The following SNX13 variants were observed in gnomAD, a reference collection of about 807,000 sequenced individuals.
SNX13 encodes the protein sorting nexin 13.
In SNX13, 45 loss-of-function variants were observed where a neutral mutation model predicts 133.6. That is an observed-to-expected ratio of 0.34 (90% CI 0.27 to 0.43). The LOEUF is 0.43. Ranked by LOEUF, SNX13 falls within the 20% of genes least tolerant of loss-of-function variation. The probability of loss-of-function intolerance (pLI) is 1.00; values close to 1 mark genes in which losing one functional copy is unlikely to be tolerated. For synonymous variants in SNX13, 414 were observed against 373.9 expected (o/e 1.11, Z -1.24); for missense variants, 1,032 against 1,145.1 (o/e 0.90, Z 1.43).
chr7:17,797,744 T>C (rs1784213622), intron 24 of SNX13, among the ~76,000 whole-genome samples: 1 of 151,636 alleles, frequency 6.6e-6, no homozygotes, highest in Non-Finnish European at 1.5e-5. Context: ...TAATCACCAC[T>C]CCAGAGGAAC....
chr7:17,853,206 GA>G (rs1208629689), intron 9 of SNX13, among the ~76,000 whole-genome samples: 1 of 152,144 alleles, frequency 6.6e-6, no homozygotes, highest in African/African-American at 2.4e-5. Context: ...TTAAAAATAG[GA>G]ATGTAGAAGC....
intron 1 of SNX13, among the ~76,000 whole-genome samples, chr7:17,923,978 T>C (rs1041628091): frequency 6.6e-6 from 1 of 152,216 alleles, no homozygotes; most frequent in Non-Finnish European, 1.5e-5. Context: ...AAACTCAATT[T>C]GGGGAAAACT....
Position 17,834,115 on chromosome 7 carries a change from T to G in SNX13, c.1534A>C (p.Met512Leu), listed in dbSNP as rs765244745. ...SFRQNALYVR[M>L]LAELDMLKDP... is the part of the protein sequence containing the mutation. ...TTTAACATGTCAAGCTCAGCTAACA[T>G]GCGCACATAAAGTGCATTCTGTCTG... The change falls in exon 15 of 26, where the codon ATG becomes CTG. Residue 512 changes from methionine (M) to leucine (L), a missense_variant. Coordinates refer to ENST00000428135, the MANE Select transcript of SNX13 (RefSeq NM_015132.5). 7 of 1,594,958 alleles carry G rather than the reference T, an allele frequency of 4.4e-6. No homozygotes were observed. Among genetic ancestry groups the G allele is most frequent in the Non-Finnish European group, 6.0e-6 (7 of 1,168,082 alleles).
At chr7:17,852,932 G>T (rs1791415038) in intron 9 of SNX13, among the ~76,000 whole-genome samples, 1 of 152,198 alleles carries the variant, frequency 6.6e-6, no homozygotes, top group Admixed American at 6.5e-5. Flanking sequence ...GTGGTAACAG[G>T]ATATTATGAA....
At chr7:17,931,117 T>G (rs1196962764) in intron 1 of SNX13, among the ~76,000 whole-genome samples, 1 of 152,202 alleles carries the variant, frequency 6.6e-6, no homozygotes, top group African/African-American at 2.4e-5. Context: ...TGTTGAGCAG[T>G]TGGGTACCAT....
intron 14 of SNX13, 28 bp downstream of exon 14, chr7:17,834,733 A>G (rs993034305): frequency 2.1e-6 from 3 of 1,411,932 alleles, no homozygotes; most frequent in Non-Finnish European, 2.9e-6. Context: ...AAAAAAGATA[A>G]AATGATAAAT....
intron 22 of SNX13, 50 bp from the exon 23 acceptor site, chr7:17,799,204 G>A (rs752119229): frequency 4.2e-6 from 6 of 1,438,046 alleles, no homozygotes; most frequent in African/African-American, 1.5e-5. Flanking sequence ...TATCTACTAT[G>A]AATTGTTACT....
At chr7:17,873,916 C>G (rs1036273982) in intron 7 of SNX13, among the ~76,000 whole-genome samples, 1 of 152,116 alleles carries the variant, frequency 6.6e-6, no homozygotes, top group East Asian at 1.9e-4. Context: ...ACCAGGTACT[C>G]TGTAATTCTA....
At chr7:17,815,753 C>A (rs535341739) in intron 19 of SNX13, among the ~76,000 whole-genome samples, 1 of 152,258 alleles carries the variant, frequency 6.6e-6, no homozygotes, top group South Asian at 2.1e-4. Flanking sequence ...TTTTGACATA[C>A]TGAGTTCATT....
At position 17,792,639 on chromosome 7, in the gene SNX13, C is replaced by A. The variant is rs982038179; in HGVS notation, c.*1406G>T. On this transcript the variant is annotated 3_prime_UTR_variant, in exon 26 of 26. Transcript: ENST00000428135. The stretch of plus-strand genomic sequence containing the variant: ...TTCTTTTAATACCAGGATCTTGGCT[C>A]AGTGGTCTGATAAGTAGCTTCATTA... 6.6e-6 allele frequency: 1 copy of A among 152,230 alleles called. No individual in the cohort carries two copies. Among genetic ancestry groups the A allele is most frequent in the Non-Finnish European group, 1.5e-5 (1 of 67,872 alleles). The allele number at this position is 152,230 out of a possible 1,614,324, so 9.4% of individuals were successfully genotyped here.
chr7:17,856,800 A>AAAAG (rs1237397561), intron 9 of SNX13, among the ~76,000 whole-genome samples: 32 of 149,254 alleles, frequency 2.1e-4, no homozygotes, highest in African/African-American at 3.2e-4. Flanking sequence ...AAAAAAAAAA[A>AAAAG]AAAGAAAGAA....
chr7:17,927,175 T>C (rs1056217549), intron 1 of SNX13, among the ~76,000 whole-genome samples: 2 of 150,506 alleles, frequency 1.3e-5, no homozygotes, highest in Non-Finnish European at 3.0e-5. Context: ...TGTTTATATA[T>C]TATGCGTGTA....
intron 18 of SNX13, 104 bp downstream of exon 18, chr7:17,821,405 C>A: frequency 8.8e-7 from 1 of 1,131,256 alleles, no homozygotes; most frequent in Non-Finnish European, 1.3e-6. Context: ...AAAATTCTTA[C>A]CTTATTTTTT....
chr7:17,857,320 CTAA>C (rs912822394), intron 9 of SNX13, among the ~76,000 whole-genome samples: 1 of 152,108 alleles, frequency 6.6e-6, no homozygotes, highest in Non-Finnish European at 1.5e-5. Context: ...TTTAAAGGAA[CTAA>C]TATTGATTCT....
intron 20 of SNX13, among the ~76,000 whole-genome samples, chr7:17,814,112 T>C (rs571023574): frequency 1.3e-5 from 2 of 152,304 alleles, no homozygotes; most frequent in Admixed American, 6.5e-5. Context: ...CTATTATTAC[T>C]AAGAGCAAAC....
At chr7:17,878,314 T>C (rs1040402826) in intron 5 of SNX13, among the ~76,000 whole-genome samples, 1 of 152,186 alleles carries the variant, frequency 6.6e-6, no homozygotes, top group African/African-American at 2.4e-5. Context: ...CTGTAATTTC[T>C]TGAATTTAAA....
chr7:17,854,845 C>T (rs1355279329), intron 9 of SNX13, among the ~76,000 whole-genome samples: 1 of 152,024 alleles, frequency 6.6e-6, no homozygotes, highest in East Asian at 1.9e-4. Context: ...AGCGTTCAAG[C>T]AAAAGGAAGA....
rs1793174640 is a variant in SNX13 at position 17,864,823 on chromosome 7, AGAGGAAGAG to A, written c.837+3575_837+3583del. Among the ~76,000 whole-genome samples the A allele has an allele frequency of 5.1e-5, 6 of 118,218 alleles. No homozygotes were observed. In the South Asian group the frequency reaches 2.0e-3, roughly 40 times the overall value. 77.6% of individuals were successfully genotyped at this position (118,218 alleles called of 152,430 possible). A position where few individuals can be genotyped will look rare whatever the true frequency, so the allele number is the denominator to read the frequency against. On this transcript the variant is annotated intron_variant, in intron 9 of 25. Transcript: ENST00000428135. ...GGAAAGGGAAGAAAGGGAAGGAGGA[AGAGGAAGAG>A]GAGGAGGAGGAGGAGCAGCAGCAGC...
chr7:17,851,028 C>A (rs1562769902), intron 9 of SNX13, 64 bp from the exon 10 acceptor site: 2 of 1,494,508 alleles, frequency 1.3e-6, no homozygotes, highest in Admixed American at 2.2e-5. Flanking sequence ...AAAACTGAAT[C>A]TTGAGTGCCT....
Sources: allele counts gnomAD v4.1 joint callset (sites outside exome capture counted in the v4.1 genomes callset), GRCh38; gene constraint gnomAD v4.1.1; transcripts MANE v1.5; gene names NCBI Gene and HGNC (gene_info 2026-07-23, HGNC 2026-07-21).